The following SPECC1L variants were observed in gnomAD, a reference collection of about 807,000 sequenced individuals.
The protein encoded by SPECC1L is sperm antigen with calponin homology and coiled-coil domains 1 like.
Under a neutral mutation model 116.8 loss-of-function variants are expected in SPECC1L, and 40 were observed. The ratio of observed to expected loss-of-function variants is 0.34; its 90% CI spans 0.27 to 0.45. The LOEUF is 0.45. SPECC1L is among the 20% of genes least tolerant of loss of function. The pLI is 1.00. For synonymous variants in SPECC1L, 504 were observed against 500.6 expected, an observed-to-expected ratio of 1.01 and a Z score of -0.09; for missense variants, 1,110 against 1,373.6, an observed-to-expected ratio of 0.81 and a Z score of 3.03.
intron 2 of SPECC1L, among the ~76,000 whole-genome samples, chr22:24,282,795 T>TA (rs35990143): frequency 8.6e-5 from 13 of 151,746 alleles, no homozygotes; most frequent in African/African-American, 3.1e-4. Context: ...TTTTTTTTTT[T>TA]AAGACGGGGT....
chr22:24,367,457 G>A (rs2041793096), intron 13 of SPECC1L, among the ~76,000 whole-genome samples: 1 of 151,192 alleles, frequency 6.6e-6, no homozygotes, highest in African/African-American at 2.4e-5. Flanking sequence ...TAGCTCATCC[G>A]CTATTGTTCA....
In SPECC1L at chr22:24,312,291, A is replaced by G. The variant is rs565005921; in HGVS notation, c.154-1022A>G. Among the ~76,000 whole-genome samples the G allele has an allele frequency of 2.6e-5, 4 of 152,266 alleles. 1 individual carries two copies. In the South Asian group the frequency reaches 8.3e-4, roughly 32 times the overall value. On this transcript the variant is annotated intron_variant, in intron 3 of 16. Transcript: ENST00000314328. ...GCCTTTTCTGCCTCTTTTTAACCTA[A>G]TGGTACTGTATTAGAACTTTGATAA...
At chr22:24,397,459 T>C (rs1209529826) in intron 14 of SPECC1L, among the ~76,000 whole-genome samples, 1 of 152,132 alleles carries the variant, frequency 6.6e-6, no homozygotes, top group East Asian at 1.9e-4. Context: ...GAAGACCAGT[T>C]GTCCTTTTAG....
In SPECC1L at chr22:24,351,694, A is replaced by C. The variant is rs374099032; in HGVS notation, c.2743+4518A>C. Among the ~76,000 whole-genome samples, 58 of 152,330 alleles carry C rather than the reference A, an allele frequency of 3.8e-4. 1 individual carries two copies. In the South Asian group the frequency reaches 9.1e-3, roughly 24 times the overall value. On this transcript the variant is annotated intron_variant, in intron 11 of 16. Transcript: ENST00000314328. The stretch of plus-strand genomic sequence containing the variant: ...AAGAACCACTCAGAAAACTAAGAAC[A>C]ACCAAATGATTCGTGGCCATAAAAA...
chr22:24,284,725 A>T (rs527923877), intron 2 of SPECC1L, among the ~76,000 whole-genome samples: 17 of 152,294 alleles, frequency 1.1e-4, no homozygotes, highest in South Asian at 6.2e-4. Flanking sequence ...GTGAACCACA[A>T]CACCCAGCTG....
intron 11 of SPECC1L, among the ~76,000 whole-genome samples, chr22:24,348,734 T>C (rs62233136): frequency 0.069 from 10,499 of 152,286 alleles, 896 homozygotes; most frequent in African/African-American, 0.19. Flanking sequence ...ATCTTGGCCT[T>C]GCCATGGCCT....
chr22:24,414,950 T>G lies in SPECC1L; in HGVS notation c.*327T>G. The G allele has an allele frequency of 2.8e-6, 1 of 359,380 alleles. No individual in the cohort carries two copies. The highest frequency in any genetic ancestry group is 2.7e-5 in the South Asian group (1 of 37,312). 22.3% of individuals were successfully genotyped at this position (359,380 alleles called of 1,614,324 possible). A position where few individuals can be genotyped will look rare whatever the true frequency, so the allele number is the denominator to read the frequency against. On this transcript the variant is annotated 3_prime_UTR_variant, in exon 17 of 17. Transcript: ENST00000314328. ...CAGGGCACCAAACAAAAAGGGCTCA[T>G]GCACAGCTGAATTTGGGAAAAGGGA...
chr22:24,329,505 G>A (rs1167952622), intron 7 of SPECC1L, among the ~76,000 whole-genome samples: 1 of 152,230 alleles, frequency 6.6e-6, no homozygotes, highest in Non-Finnish European at 1.5e-5. Context: ...ATGCTGCAGG[G>A]AGTAGGGAGA....
At chr22:24,312,049 G>A (rs1212270754) in intron 3 of SPECC1L, among the ~76,000 whole-genome samples, 3 of 152,042 alleles carry the variant, frequency 2.0e-5, no homozygotes, top group African/African-American at 7.2e-5. Flanking sequence ...GCTCAGTGCA[G>A]CTTTGACCTC....
At chr22:24,284,983 T>G (rs2049014410) in intron 2 of SPECC1L, among the ~76,000 whole-genome samples, 1 of 152,040 alleles carries the variant, frequency 6.6e-6, no homozygotes, top group Non-Finnish European at 1.5e-5. Flanking sequence ...AATTTTGTAG[T>G]TGATTGAAGA....
intron 9 of SPECC1L, among the ~76,000 whole-genome samples, chr22:24,337,501 A>G (rs2041084922): frequency 1.3e-5 from 2 of 152,138 alleles, no homozygotes; most frequent in Admixed American, 1.3e-4. Flanking sequence ...AACTAGGTAG[A>G]GGTGATGGTT....
At chr22:24,330,917 A>C (rs1484159196) in intron 8 of SPECC1L, among the ~76,000 whole-genome samples, 1 of 152,212 alleles carries the variant, frequency 6.6e-6, no homozygotes, top group Non-Finnish European at 1.5e-5. Flanking sequence ...AAATAAGATA[A>C]TGCCTGCCAA....
Position 24,338,468 on chromosome 22 carries a change from C to A in SPECC1L, c.2643C>A (p.Ser881=), listed in dbSNP as rs765632008. 14 of 1,614,062 alleles carry A rather than the reference C, an allele frequency of 8.7e-6. No individual in the cohort carries two copies. Among genetic ancestry groups the A allele is most frequent in the Non-Finnish European group, 1.2e-5 (14 of 1,179,968 alleles). The change falls in exon 10 of 17, where the codon TCC becomes TCA. Residue 881 remains serine (S), a synonymous_variant. Transcript: ENST00000314328. ...PMKTPPAAAV[S]PMQRHSISGP... is the part of the protein sequence containing the mutation. ...AAACCCCTCCTGCAGCAGCTGTGTC[C>A]CCTATGCAGGTGAGTGCCTGGAACC...
chr22:24,377,978 CCTTTGAAG>C (rs1017122505), intron 14 of SPECC1L, among the ~76,000 whole-genome samples: 1 of 152,190 alleles, frequency 6.6e-6, no homozygotes, highest in African/African-American at 2.4e-5. Flanking sequence ...GACAGCCTGT[CCTTTGAAG>C]CTTTGAAGCC....
At chr22:24,412,118 G>A in intron 15 of SPECC1L, 2 of 360,614 alleles carry the variant, frequency 5.5e-6, no homozygotes, top group South Asian at 4.6e-5. Flanking sequence ...CTTAGAACTG[G>A]CAAGAAACAC....
In SPECC1L at chr22:24,400,042, CTG is replaced by C. The variant is rs2042442294; in HGVS notation, c.3088-11544_3088-11543del. 2.6e-5 allele frequency among the ~76,000 whole-genome samples: 4 copies of C among 152,208 alleles called. No individual in the cohort carries two copies. The South Asian group carries it at 6.2e-4, about 24-fold the overall frequency. ...AGTGTATAGAGTTACTGGGCATAAACTGTACTTCAGAACATCTGGCAGCCTCT... is the reference window on the plus strand; with the variant it reads ...AGTGTATAGAGTTACTGGGCATAAACTACTTCAGAACATCTGGCAGCCTCT... On this transcript the variant is annotated intron_variant, in intron 14 of 16. Coordinates refer to ENST00000314328, the MANE Select transcript of SPECC1L (RefSeq NM_015330.6).
chr22:24,314,744 T>G (rs2040527870), intron 4 of SPECC1L, among the ~76,000 whole-genome samples: 1 of 152,234 alleles, frequency 6.6e-6, no homozygotes, highest in South Asian at 2.1e-4. Context: ...ATGGGACAGA[T>G]TCAGGTCCCC....
chr22:24,404,568 G>A (rs1280364804), intron 14 of SPECC1L, among the ~76,000 whole-genome samples: 1 of 152,100 alleles, frequency 6.6e-6, no homozygotes, highest in African/African-American at 2.4e-5. Context: ...GTCTGCTTTA[G>A]CTGCCAAGTA....
chr22:24,344,118 G>C (rs1601585337), intron 10 of SPECC1L, among the ~76,000 whole-genome samples: 1 of 152,102 alleles, frequency 6.6e-6, no homozygotes, highest in South Asian at 2.1e-4. Flanking sequence ...TAGGAAGCTA[G>C]CATTACCTGA....
Sources: gnomAD v4.1 joint callset for allele counts (sites outside exome capture counted in the v4.1 genomes callset) on GRCh38, gnomAD v4.1.1 for gene constraint, MANE v1.5 for transcripts, NCBI Gene and HGNC (gene_info 2026-07-23, HGNC 2026-07-21) for gene names.